The following LDLRAD4 variants were observed in gnomAD, a reference collection of about 807,000 sequenced individuals.
LDLRAD4 encodes the protein low density lipoprotein receptor class A domain containing 4, also known as low-density lipoprotein receptor class A domain-containing protein 4.
Under a neutral mutation model 17.0 loss-of-function variants are expected in LDLRAD4, and 5 were observed. That is an observed-to-expected ratio of 0.29 (90% confidence interval 0.15 to 0.62). The LOEUF (loss-of-function observed/expected upper bound fraction) is 0.62, where lower values mean the gene tolerates loss of function less well. Ranked by LOEUF, LDLRAD4 falls within the 20% of genes least tolerant of loss-of-function variation. The pLI is 0.84. For synonymous variants in LDLRAD4, 168 were observed against 171.8 expected (o/e 0.98, Z 0.17); for missense variants, 340 against 424.7 (o/e 0.80, Z 1.75).
intron 1 of LDLRAD4, among the ~76,000 whole-genome samples, chr18:13,385,962 GA>G (rs1414507819): frequency 6.6e-6 from 1 of 152,196 alleles, no homozygotes; most frequent in Admixed American, 6.5e-5. Flanking sequence ...GAAGGTAATA[GA>G]ATTGGATGTC....
chr18:13,501,334 C>G (rs2093610765), intron 3 of LDLRAD4: 1 of 152,176 alleles, frequency 6.6e-6, no homozygotes, highest in African/African-American at 2.4e-5. Context: ...TGTGTCCTGC[C>G]AGTGAGAGAG....
chr18:13,649,158 A>T (rs1189095665), exon 6 of LDLRAD4: 1 of 152,162 alleles, frequency 6.6e-6, no homozygotes, highest in African/African-American at 2.4e-5. Flanking sequence ...TGAGGCAGGA[A>T]ATAGGGGCCA....
intron 1 of LDLRAD4, among the ~76,000 whole-genome samples, chr18:13,329,525 A>AAG (rs1359952684): frequency 6.6e-6 from 1 of 152,192 alleles, no homozygotes; most frequent in Admixed American, 6.5e-5. Flanking sequence ...GATGTGGTCA[A>AAG]ATCTATCAGT....
intron 3 of LDLRAD4, among the ~76,000 whole-genome samples, chr18:13,573,685 T>C (rs929016552): frequency 1.3e-5 from 2 of 152,204 alleles, no homozygotes; most frequent in South Asian, 2.1e-4. Context: ...CCAACAAGCA[T>C]TGGACTAGAA....
intron 3 of LDLRAD4, chr18:13,514,590 A>G (rs1296240151): frequency 6.6e-6 from 1 of 152,192 alleles, no homozygotes; most frequent in East Asian, 1.9e-4. Flanking sequence ...TCTGGGGACT[A>G]CTTGTTAACA....
In LDLRAD4 at chr18:13,502,941, A is replaced by G. The variant is rs148954123; in HGVS notation, c.181+64557A>G. On this transcript the variant is annotated intron_variant, in intron 3 of 5. Transcript: ENST00000359446. ...CTATCTGCTGTAGCAGAAAGAATTT[A>G]GGGGAGGAAAGGCTTGAGAAGGAAG... Among the ~76,000 whole-genome samples, 1,162 of 152,338 alleles carry G rather than the reference A, an allele frequency of 7.6e-3. 11 individuals carry two copies. The highest frequency in any genetic ancestry group is 0.014 in the Middle Eastern group (4 of 294).
At chr18:13,369,641 A>G (rs1220577727) in intron 1 of LDLRAD4, among the ~76,000 whole-genome samples, 2 of 152,210 alleles carry the variant, frequency 1.3e-5, no homozygotes, top group African/African-American at 4.8e-5. Context: ...AGTTCTAAGC[A>G]GAGAAGTGAT....
intron 3 of LDLRAD4, among the ~76,000 whole-genome samples, chr18:13,603,950 C>T (rs370730715): frequency 2.0e-5 from 3 of 152,366 alleles, no homozygotes; most frequent in South Asian, 4.1e-4. Flanking sequence ...ATCAAAGAGA[C>T]TCAACCTCAG....
rs181591840 is a variant in LDLRAD4, at chr18:13,401,614, G to A, written c.40+13852G>A. 5.2e-3 allele frequency among the ~76,000 whole-genome samples: 789 copies of A among 152,282 alleles called. 10 individuals carry two copies. The highest frequency in any genetic ancestry group is 0.018 in the African/African-American group (760 of 41,562). The stretch of plus-strand genomic sequence containing the variant: ...GAGAGGATGCCCCGTGCTCAGGTCT[G>A]GACAGCCTGGGCCTGTCTTCAGGAG... On this transcript the variant is annotated intron_variant, in intron 2 of 5. Coordinates refer to ENST00000359446, the Ensembl canonical transcript of LDLRAD4.
At chr18:13,302,593 A>G (rs1041189245) in intron 1 of LDLRAD4, among the ~76,000 whole-genome samples, 9 of 152,182 alleles carry the variant, frequency 5.9e-5, no homozygotes, top group African/African-American at 2.2e-4. Flanking sequence ...AATGCAGATG[A>G]GTGTCCTGCA....
intron 2 of LDLRAD4, among the ~76,000 whole-genome samples, chr18:13,400,261 G>T (rs1416372131): frequency 6.6e-6 from 1 of 152,172 alleles, no homozygotes; most frequent in East Asian, 1.9e-4. Flanking sequence ...TTTAGCGTGG[G>T]GTAAAAGAGA....
At chr18:13,615,691 A>C (rs970054759) in intron 3 of LDLRAD4, 3 of 152,238 alleles carry the variant, frequency 2.0e-5, no homozygotes, top group Non-Finnish European at 2.9e-5. Context: ...TAATAAAAGA[A>C]GGTGCTAGGA....
At chr18:13,491,316 C>T (rs1232624552) in intron 3 of LDLRAD4, 2 of 152,216 alleles carry the variant, frequency 1.3e-5, no homozygotes, top group African/African-American at 4.8e-5. Flanking sequence ...TAGCCGGCTG[C>T]TCCTCCACTA....
Position 13,424,354 on chromosome 18 carries a change from G to T in LDLRAD4, c.41-13890G>T, listed in dbSNP as rs532591556. Among the ~76,000 whole-genome samples, 37 of 152,278 alleles carry T rather than the reference G, an allele frequency of 2.4e-4. No homozygotes were observed. In the South Asian group the frequency reaches 7.3e-3, roughly 30 times the overall value. ...ATCTTCTTCTTTAGCTTGTGTGTCT[G>T]TGTGGACGTCTGTGACAGGAGCACA... is the stretch of plus-strand genomic sequence containing the variant. On this transcript the variant is annotated intron_variant, in intron 2 of 5. Transcript: ENST00000359446.
At chr18:13,247,858 C>G (rs992882989) in intron 1 of LDLRAD4, among the ~76,000 whole-genome samples, 2 of 152,036 alleles carry the variant, frequency 1.3e-5, no homozygotes, top group Non-Finnish European at 2.9e-5. Context: ...AGAACCCGCT[C>G]ACTCTGGAGC....
intron 3 of LDLRAD4, among the ~76,000 whole-genome samples, chr18:13,501,862 AAAAT>A (rs1193009766): frequency 6.6e-6 from 1 of 152,252 alleles, no homozygotes; most frequent in Admixed American, 6.5e-5. Flanking sequence ...CTTAACAACT[AAAAT>A]AATATTTTGA....
At chr18:13,642,754 A>C (rs2042691072) in intron 4 of LDLRAD4, 2 of 1,230,892 alleles carry the variant, frequency 1.6e-6, no homozygotes. Context: ...TTTCAAGCAC[A>C]CAGGTGTAGA....
At chr18:13,611,003 C>CA (rs1568403425) in intron 3 of LDLRAD4, 1 of 153,934 alleles carries the variant, frequency 6.5e-6, no homozygotes, top group Non-Finnish European at 1.5e-5. Context: ...TCCTTTTATC[C>CA]ACGTGAAGCT....
At chr18:13,649,574 A>T (rs2043156711) in exon 6 of LDLRAD4, 1 of 152,608 alleles carries the variant, frequency 6.6e-6, no homozygotes. Flanking sequence ...GCTCAGAGAC[A>T]TTCTGCTGTG....
Sources: allele counts gnomAD v4.1 joint callset (sites outside exome capture counted in the v4.1 genomes callset), GRCh38; gene constraint gnomAD v4.1.1; transcripts MANE v1.5; gene names NCBI Gene and HGNC (gene_info 2026-07-23, HGNC 2026-07-21).